Variants in SH3GL2 observed in about 807,000 individuals in gnomAD.
The protein encoded by SH3GL2 is endophilin-A1.
SH3GL2 carries 24 observed loss-of-function variants against 46.0 expected under a neutral mutation model. That is an observed-to-expected ratio of 0.52 (90% confidence interval 0.38 to 0.73). The LOEUF is 0.73. SH3GL2 is among the 30% of genes least tolerant of loss of function. The pLI, the probability that SH3GL2 is intolerant of heterozygous loss-of-function variation, is 0.00. For synonymous variants in SH3GL2, 196 were observed against 147.1 expected, an observed-to-expected ratio of 1.33 and a Z score of -2.40; for missense variants, 413 against 424.2, an observed-to-expected ratio of 0.97 and a Z score of 0.23.
At chr9:17,726,035 A>C (rs976270735) in intron 1 of SH3GL2, among the ~76,000 whole-genome samples, 5 of 152,110 alleles carry the variant, frequency 3.3e-5, no homozygotes, top group African/African-American at 1.2e-4. Context: ...ATTCTTACCA[A>C]GATTTAGTAT....
At chr9:17,688,696 G>T (rs945352309) in intron 1 of SH3GL2, among the ~76,000 whole-genome samples, 1 of 152,042 alleles carries the variant, frequency 6.6e-6, no homozygotes, top group Non-Finnish European at 1.5e-5. Context: ...GTATGTCAAA[G>T]GGATACAGAA....
intron 3 of SH3GL2, among the ~76,000 whole-genome samples, chr9:17,767,532 C>T (rs1458665894): frequency 6.6e-6 from 1 of 152,224 alleles, no homozygotes; most frequent in Admixed American, 6.5e-5. Flanking sequence ...TCACAACACA[C>T]TGAATTTACT....
intron 1 of SH3GL2, among the ~76,000 whole-genome samples, chr9:17,640,312 C>T (rs1268046184): frequency 6.6e-6 from 1 of 151,918 alleles, no homozygotes; most frequent in Admixed American, 6.6e-5. Context: ...CTTATTCTTT[C>T]AGTAGTCATT....
intron 1 of SH3GL2, among the ~76,000 whole-genome samples, chr9:17,739,217 C>A (rs915590898): frequency 6.6e-6 from 1 of 152,034 alleles, no homozygotes; most frequent in Non-Finnish European, 1.5e-5. Flanking sequence ...CTTGCTTTGG[C>A]CTTGTCAACA....
intron 2 of SH3GL2, among the ~76,000 whole-genome samples, chr9:17,757,400 A>T (rs9406695): frequency 2.0e-5 from 3 of 152,188 alleles, no homozygotes; most frequent in Non-Finnish European, 4.4e-5. Context: ...AAATTTTTGC[A>T]ATCTATTCAT....
At chr9:17,633,782 G>A (rs1402864041) in intron 1 of SH3GL2, among the ~76,000 whole-genome samples, 1 of 152,170 alleles carries the variant, frequency 6.6e-6, no homozygotes, top group African/African-American at 2.4e-5. Flanking sequence ...TGCCCATTTT[G>A]CTGTATGTCC....
At chr9:17,720,586 A>G (rs1821871350) in intron 1 of SH3GL2, among the ~76,000 whole-genome samples, 1 of 152,102 alleles carries the variant, frequency 6.6e-6, no homozygotes, top group Non-Finnish European at 1.5e-5. Flanking sequence ...AGTTGGTTAC[A>G]GTCTGTTTGC....
At chr9:17,669,284 A>G (rs1272283787) in intron 1 of SH3GL2, among the ~76,000 whole-genome samples, 1 of 152,136 alleles carries the variant, frequency 6.6e-6, no homozygotes, top group East Asian at 1.9e-4. Flanking sequence ...ACTTGAACTC[A>G]TTTATGTATA....
chr9:17,790,464 A>G, intron 6 of SH3GL2: 1 of 974,052 alleles, frequency 1.0e-6, no homozygotes, highest in Non-Finnish European at 1.2e-6. Context: ...ACCTGGAGAC[A>G]GTGTAGGTTT....
chr9:17,700,737 TATGGTTTCCTAG>T (rs1821325376), intron 1 of SH3GL2, among the ~76,000 whole-genome samples: 1 of 152,182 alleles, frequency 6.6e-6, no homozygotes, highest in Admixed American at 6.5e-5. Flanking sequence ...AATAACGCCA[TATGGTTTCCTAG>T]ATGCTCTGCA....
intron 3 of SH3GL2, among the ~76,000 whole-genome samples, chr9:17,771,286 A>G (rs1823472984): frequency 6.6e-6 from 1 of 152,334 alleles, no homozygotes; most frequent in Non-Finnish European, 1.5e-5. Flanking sequence ...GTCCAGTTCC[A>G]CCAAAGACTG....
intron 3 of SH3GL2, among the ~76,000 whole-genome samples, chr9:17,782,850 T>A (rs183145250): frequency 6.6e-6 from 1 of 152,280 alleles, no homozygotes; most frequent in African/African-American, 2.4e-5. Context: ...TCTGCATCTT[T>A]CTGTCACCCT....
chr9:17,711,672 C>G (rs912847297), intron 1 of SH3GL2, among the ~76,000 whole-genome samples: 1 of 151,726 alleles, frequency 6.6e-6, no homozygotes, highest in Non-Finnish European at 1.5e-5. Context: ...AAATAGTATT[C>G]CATTGCATGA....
chr9:17,747,215 G>A (rs922350404), intron 2 of SH3GL2, 81 bp downstream of exon 2: 1 of 825,374 alleles, frequency 1.2e-6, no homozygotes, highest in East Asian at 2.6e-5. Context: ...AACGGGAGAG[G>A]GCAACTGTTT....
At chr9:17,773,309 C>T (rs1823544436) in intron 3 of SH3GL2, among the ~76,000 whole-genome samples, 1 of 152,030 alleles carries the variant, frequency 6.6e-6, no homozygotes, top group South Asian at 2.1e-4. Flanking sequence ...AATTTCTTAA[C>T]TTTCGTGAAG....
At chr9:17,592,195 G>T (rs1481443603) in intron 1 of SH3GL2, among the ~76,000 whole-genome samples, 11 of 152,168 alleles carry the variant, frequency 7.2e-5, no homozygotes, top group African/African-American at 2.7e-4. Flanking sequence ...CCAAGGGCAG[G>T]AGAAGATGGA....
chr9:17,595,230 A>G (rs1818549060), intron 1 of SH3GL2, among the ~76,000 whole-genome samples: 1 of 152,204 alleles, frequency 6.6e-6, no homozygotes, highest in Non-Finnish European at 1.5e-5. Flanking sequence ...GTCACCTTAT[A>G]TATCAAACCA....
chr9:17,614,514 G>T (rs992241013), intron 1 of SH3GL2, among the ~76,000 whole-genome samples: 1 of 152,008 alleles, frequency 6.6e-6, no homozygotes, highest in Non-Finnish European at 1.5e-5. Context: ...TTGGGACAGC[G>T]TAGCTATTTT....
rs1823993306 is a variant in SH3GL2 at position 17,787,423 on chromosome 9, G to GCAAA, written c.375_376insCAAA (p.Glu126GlnfsTer17). The GCAAA allele has an allele frequency of 6.2e-6, 10 of 1,612,276 alleles. No homozygotes were observed. The highest frequency in any genetic ancestry group is 8.5e-6 in the Non-Finnish European group (10 of 1,178,476). ...TCGGGGAGGCCATGCGGGAACTGTC[G>GCAAA]GAGGTCAAAGACTCTTTGGACATAG... On this transcript the variant is annotated frameshift_variant, in exon 5 of 9. Coordinates refer to ENST00000380607, the MANE Select transcript of SH3GL2 (RefSeq NM_003026.5). LOFTEE classifies it high-confidence loss of function.
Sources: allele counts gnomAD v4.1 joint callset (sites outside exome capture counted in the v4.1 genomes callset), GRCh38; gene constraint gnomAD v4.1.1; transcripts MANE v1.5; gene names NCBI Gene and HGNC (gene_info 2026-07-23, HGNC 2026-07-21).